ACO2: variants seen among roughly 807,000 people sequenced by gnomAD.
ACO2 encodes aconitase 2, also known as aconitate hydratase, mitochondrial.
Under a neutral mutation model 84.5 loss-of-function variants are expected in ACO2, and 31 were observed. The ratio of observed to expected loss-of-function variants is 0.37; its 90% CI spans 0.28 to 0.50. ACO2 has a LOEUF of 0.50. Among genes scored for constraint, ACO2 ranks in the 20% least tolerant of loss-of-function variants. The pLI, the probability that ACO2 is intolerant of heterozygous loss-of-function variation, is 0.97. For synonymous variants in ACO2, 414 were observed against 412.7 expected, an observed-to-expected ratio of 1.00 and a Z score of -0.04; for missense variants, 685 against 1,029.3, an observed-to-expected ratio of 0.67 and a Z score of 4.58.
chr22:41,512,587 G>A (rs1200310496), intron 4 of ACO2, among the ~76,000 whole-genome samples: 1 of 152,130 alleles, frequency 6.6e-6, no homozygotes, highest in Non-Finnish European at 1.5e-5. Context: ...CGCCTCCCTC[G>A]CCCCCAGAGC....
At chr22:41,476,508 G>A (rs2038015502) in intron 1 of ACO2, among the ~76,000 whole-genome samples, 1 of 151,480 alleles carries the variant, frequency 6.6e-6, no homozygotes, top group South Asian at 2.1e-4. Flanking sequence ...AGGAGTTTGA[G>A]ACCAGCCTGA....
Position 41,527,359 on chromosome 22 carries a change from T to C in ACO2, c.2025T>C (p.Ala675=), listed in dbSNP as rs1342952328. 1.2e-6 allele frequency: 2 copies of C among 1,613,950 alleles called. No individual in the cohort carries two copies. Among genetic ancestry groups the C allele is most frequent in the Non-Finnish European group, 1.7e-6 (2 of 1,180,024 alleles). Residue 675 remains alanine, a synonymous_variant, in exon 16 of 18, where the codon GCT becomes GCC. Transcript: ENST00000216254. ...YGEGSSREHA[A]LEPRHLGGRA... Reference sequence around the variant, plus strand: ...AGGGCTCGAGCCGGGAGCATGCAGCTCTGGAGCCTCGCCACCTTGGGGGCC... The same window carrying C: ...AGGGCTCGAGCCGGGAGCATGCAGCCCTGGAGCCTCGCCACCTTGGGGGCC...
chr22:41,469,981 C>T (rs979555237), intron 1 of ACO2, among the ~76,000 whole-genome samples: 3 of 152,156 alleles, frequency 2.0e-5, no homozygotes, highest in African/African-American at 7.2e-5. Flanking sequence ...TTATGAACCA[C>T]GGTGCAATTA....
intron 2 of ACO2, among the ~76,000 whole-genome samples, chr22:41,507,541 A>T (rs1289322406): frequency 1.3e-5 from 2 of 152,154 alleles, no homozygotes; most frequent in Admixed American, 6.5e-5. Flanking sequence ...CCCTCTTGTG[A>T]TGTTGTCATT....
chr22:41,481,847 C>T (rs895529750), intron 1 of ACO2, among the ~76,000 whole-genome samples: 5 of 152,168 alleles, frequency 3.3e-5, no homozygotes, highest in Non-Finnish European at 7.3e-5. Context: ...TGGACATTGT[C>T]CTAGGTTCTG....
intron 1 of ACO2, among the ~76,000 whole-genome samples, chr22:41,485,612 T>G (rs1235609861): frequency 3.3e-5 from 5 of 152,014 alleles, no homozygotes; most frequent in Admixed American, 2.0e-4. Flanking sequence ...GGCAAATTTT[T>G]TTTTGTATTT....
rs2066540645 is a variant in ACO2 at position 41,523,140 on chromosome 22, A to G, written c.1297-65A>G. 3.2e-6 allele frequency: 5 copies of G among 1,543,508 alleles called. No homozygotes were observed. The Middle Eastern group carries it at 6.9e-4, about 212-fold the overall frequency. ...TACAGCACTTCGTCCTGCAGCCACCACATCACCCCTTCCCATCAGACTCTC... is the reference window on the plus strand; with the variant it reads ...TACAGCACTTCGTCCTGCAGCCACCGCATCACCCCTTCCCATCAGACTCTC... On this transcript the variant is annotated intron_variant, in intron 10 of 17. Coordinates refer to ENST00000216254, the MANE Select transcript of ACO2 (RefSeq NM_001098.3).
chr22:41,479,474 T>C (rs2038061546), intron 1 of ACO2, among the ~76,000 whole-genome samples: 2 of 152,208 alleles, frequency 1.3e-5, no homozygotes, highest in Non-Finnish European at 2.9e-5. Context: ...AGCTAGCACA[T>C]GGATGCAGAT....
At chr22:41,479,976 T>G (rs1050677684) in intron 1 of ACO2, among the ~76,000 whole-genome samples, 1 of 152,214 alleles carries the variant, frequency 6.6e-6, no homozygotes, top group Admixed American at 6.5e-5. Flanking sequence ...GGCTCCTTGC[T>G]CCCTTTCCAA....
At position 41,528,604 on chromosome 22, in the gene ACO2, G is replaced by A. The variant is rs776056323; in HGVS notation, c.2334G>A (p.Leu778=). 3 of 1,609,420 alleles carry A rather than the reference G, an allele frequency of 1.9e-6. No homozygotes were observed. Among genetic ancestry groups the A allele is most frequent in the East Asian group, 2.2e-5 (1 of 44,844 alleles). ...GTGCCCTCAACAGAATGAAGGAACT[G>A]CAACAGTGAGGGCAGTGCCTCCCCG... The part of the protein sequence containing the change: ...AGSALNRMKE[L]QQ Residue 778 remains leucine (L), a synonymous_variant, in exon 18 of 18, where the codon CTG becomes CTA. Transcript: ENST00000216254.
chr22:41,487,765 C>T (rs926086134), intron 1 of ACO2, among the ~76,000 whole-genome samples: 167 of 152,200 alleles, frequency 1.1e-3, no homozygotes, highest in African/African-American at 3.9e-3. Context: ...TGCTTGGCCT[C>T]TCCACTTGGG....
At chr22:41,512,034 G>A (rs2066437115) in intron 4 of ACO2, 66 bp downstream of exon 4, 1 of 1,366,274 alleles carries the variant, frequency 7.3e-7, no homozygotes, top group Non-Finnish European at 9.9e-7. Flanking sequence ...AGGCCTATGG[G>A]GGGAGGGGGT....
chr22:41,522,166 A>G (rs2146133963), intron 9 of ACO2, among the ~76,000 whole-genome samples: 1 of 152,288 alleles, frequency 6.6e-6, no homozygotes, highest in East Asian at 1.9e-4. Flanking sequence ...TTGTCTCTAC[A>G]AAAACAATTT....
At chr22:41,492,202 A>T (rs1190187872) in intron 1 of ACO2, among the ~76,000 whole-genome samples, 2 of 152,250 alleles carry the variant, frequency 1.3e-5, no homozygotes, top group African/African-American at 4.8e-5. Flanking sequence ...TTTTTATTCT[A>T]AAAGCAGGGT....
intron 1 of ACO2, among the ~76,000 whole-genome samples, chr22:41,492,359 G>A (rs994079859): frequency 3.3e-5 from 5 of 152,132 alleles, no homozygotes; most frequent in Admixed American, 2.6e-4. Flanking sequence ...AATTTAGGCC[G>A]GGCGTAGTGG....
At chr22:41,480,615 C>T (rs371001498) in intron 1 of ACO2, among the ~76,000 whole-genome samples, 5 of 152,122 alleles carry the variant, frequency 3.3e-5, no homozygotes, top group African/African-American at 7.2e-5. Context: ...TAGCAGCTTA[C>T]GTTTATTGAA....
chr22:41,519,732 C>T (rs778908730), intron 8 of ACO2, among the ~76,000 whole-genome samples: 75 of 151,384 alleles, frequency 5.0e-4, no homozygotes, highest in Non-Finnish European at 8.8e-4. Flanking sequence ...GGTGTGAACC[C>T]GAGAGGCGGA....
chr22:41,522,150 G>A (rs2066531956), intron 9 of ACO2, among the ~76,000 whole-genome samples: 1 of 152,204 alleles, frequency 6.6e-6, no homozygotes, highest in South Asian at 2.1e-4. Flanking sequence ...GCAACATGGT[G>A]AGACTTTGTC....
At chr22:41,477,149 T>C (rs903748348) in intron 1 of ACO2, among the ~76,000 whole-genome samples, 7 of 149,354 alleles carry the variant, frequency 4.7e-5, no homozygotes, top group Non-Finnish European at 8.9e-5. Flanking sequence ...TATTTATTTA[T>C]TTATTTATTT....
Sources: allele counts gnomAD v4.1 joint callset (sites outside exome capture counted in the v4.1 genomes callset), GRCh38; gene constraint gnomAD v4.1.1; transcripts MANE v1.5; gene names NCBI Gene and HGNC (gene_info 2026-07-23, HGNC 2026-07-21).